Variants in ACOXL observed in about 807,000 individuals in gnomAD.
ACOXL encodes acyl-coenzyme A oxidase-like protein.
A neutral mutation model predicts 71.9 loss-of-function variants in ACOXL; 70 were observed. That is an observed-to-expected ratio of 0.97 (90% CI 0.80 to 1.19). ACOXL has a LOEUF of 1.19. ACOXL is among the 50% of genes most tolerant of loss of function. The pLI, the probability that ACOXL is intolerant of heterozygous loss-of-function variation, is 0.00. For missense variants in ACOXL, 703 were observed against 736.3 expected (o/e 0.95, Z 0.52); for synonymous variants, 253 against 281.6 (o/e 0.90, Z 1.02).
At chr2:110,914,229 A>AT (rs202158751) in intron 11 of ACOXL, among the ~76,000 whole-genome samples, 3 of 151,920 alleles carry the variant, frequency 2.0e-5, no homozygotes, top group Admixed American at 6.6e-5. Context: ...TCTTCTAAGT[A>AT]TTTTTTTTCC....
In ACOXL at chr2:111,117,662, T is replaced by G; in HGVS notation, c.1589T>G (p.Ile530Ser). 2 of 1,551,762 alleles carry G rather than the reference T, an allele frequency of 1.3e-6. No homozygotes were observed. The highest frequency in any genetic ancestry group is 1.7e-6 in the Non-Finnish European group (2 of 1,147,002). ...GTGAAGGATGATGCCCGGAGGGTGA[T>G]CTCGACCTTTAACATTCCACACACC... ...DSVKDDARRV[I>S]STFNIPHTYL... The change falls in exon 18 of 18, where the codon ATC becomes AGC. Residue 530 changes from isoleucine to serine, a missense_variant. Transcript: ENST00000439055.
chr2:110,736,977 G>A (rs961159582), intron 1 of ACOXL, among the ~76,000 whole-genome samples: 1 of 152,162 alleles, frequency 6.6e-6, no homozygotes, highest in African/African-American at 2.4e-5. Flanking sequence ...CCACTTTGTT[G>A]TGGTTGTTTT....
chr2:110,972,968 G>A (rs1365083254), intron 12 of ACOXL, among the ~76,000 whole-genome samples: 1 of 152,204 alleles, frequency 6.6e-6, no homozygotes, highest in Non-Finnish European at 1.5e-5. Context: ...GTGCTCAATT[G>A]GTTTAGGCAC....
At chr2:110,929,890 C>T (rs1001308026) in intron 11 of ACOXL, among the ~76,000 whole-genome samples, 6 of 152,246 alleles carry the variant, frequency 3.9e-5, no homozygotes, top group African/African-American at 1.4e-4. Flanking sequence ...GGTTTGGAAA[C>T]CTCTGCCCAG....
chr2:111,021,961 T>C (rs2064781172), intron 14 of ACOXL, among the ~76,000 whole-genome samples: 1 of 151,984 alleles, frequency 6.6e-6, no homozygotes, highest in Non-Finnish European at 1.5e-5. Context: ...AAAGTGCTTA[T>C]GTAAGCCCAG....
chr2:110,924,196 C>T (rs2060185670), intron 11 of ACOXL, among the ~76,000 whole-genome samples: 1 of 152,140 alleles, frequency 6.6e-6, no homozygotes, highest in Non-Finnish European at 1.5e-5. Flanking sequence ...AGCATCTAAG[C>T]CTTCAGTGAG....
chr2:110,769,486 C>CA (rs113011269), intron 2 of ACOXL, among the ~76,000 whole-genome samples: 207 of 140,338 alleles, frequency 1.5e-3, no homozygotes, highest in Admixed American at 2.5e-3. Context: ...CCTGTCTCCA[C>CA]AAAAAAAAAA....
intron 12 of ACOXL, among the ~76,000 whole-genome samples, chr2:110,979,175 TA>T (rs1436556871): frequency 6.6e-6 from 1 of 152,190 alleles, no homozygotes; most frequent in Admixed American, 6.5e-5. Context: ...CTACTGGGGT[TA>T]GCAGTCAGGA....
At chr2:111,071,220 C>A (rs2067325305) in intron 16 of ACOXL, among the ~76,000 whole-genome samples, 1 of 152,144 alleles carries the variant, frequency 6.6e-6, no homozygotes, top group African/African-American at 2.4e-5. Context: ...TCTTGAATAA[C>A]CTCCTCAGGG....
At chr2:110,981,357 G>A (rs1009683100) in intron 12 of ACOXL, among the ~76,000 whole-genome samples, 63 of 152,294 alleles carry the variant, frequency 4.1e-4, no homozygotes, top group African/African-American at 1.5e-3. Context: ...AACTCCATCT[G>A]AAAGCGTGGA....
At chr2:110,857,622 AT>A (rs1573861795) in intron 10 of ACOXL, among the ~76,000 whole-genome samples, 1 of 152,088 alleles carries the variant, frequency 6.6e-6, no homozygotes, top group East Asian at 1.9e-4. Flanking sequence ...AGTTTCTACA[AT>A]TATCAACATT....
At chr2:110,869,159 T>A (rs1360828813) in intron 10 of ACOXL, among the ~76,000 whole-genome samples, 1 of 152,206 alleles carries the variant, frequency 6.6e-6, no homozygotes, top group Non-Finnish European at 1.5e-5. Context: ...ATGGCCGATG[T>A]CACACAGCTA....
intron 10 of ACOXL, among the ~76,000 whole-genome samples, chr2:110,890,943 CCTT>C (rs1241216992): frequency 1.3e-5 from 2 of 151,830 alleles, no homozygotes; most frequent in Non-Finnish European, 2.9e-5. Context: ...TTTATTTAGA[CCTT>C]CTTTAATTTC....
intron 1 of ACOXL, among the ~76,000 whole-genome samples, chr2:110,755,206 G>C (rs1370018477): frequency 3.3e-5 from 5 of 152,124 alleles, no homozygotes; most frequent in African/African-American, 4.8e-5. Flanking sequence ...GCTGTCCCCA[G>C]ATGACCCTCA....
intron 13 of ACOXL, among the ~76,000 whole-genome samples, chr2:110,989,987 C>A (rs2063106527): frequency 6.6e-6 from 1 of 152,046 alleles, no homozygotes; most frequent in Admixed American, 6.6e-5. Flanking sequence ...TTGCAGTGAG[C>A]CAAGATTGCG....
At chr2:111,077,207 A>G (rs1198980887) in intron 16 of ACOXL, among the ~76,000 whole-genome samples, 1 of 152,184 alleles carries the variant, frequency 6.6e-6, no homozygotes, top group East Asian at 1.9e-4. Flanking sequence ...AAATTTAACT[A>G]TATCTCTTTG....
chr2:111,090,299 A>T (rs2150011771), intron 16 of ACOXL, among the ~76,000 whole-genome samples: 1 of 152,274 alleles, frequency 6.6e-6, no homozygotes, highest in Non-Finnish European at 1.5e-5. Context: ...CTCTTCCAAC[A>T]GTGAGATTCA....
chr2:111,005,860 A>G (rs1340147644), intron 14 of ACOXL, among the ~76,000 whole-genome samples: 1 of 152,164 alleles, frequency 6.6e-6, no homozygotes, highest in Admixed American at 6.5e-5. Flanking sequence ...TTGATGATGG[A>G]CCCAGACAGA....
intron 17 of ACOXL, chr2:111,098,980 A>G (rs983647574): frequency 6.6e-6 from 1 of 152,222 alleles, no homozygotes; most frequent in African/African-American, 2.4e-5. Flanking sequence ...ACAAATGAGT[A>G]AAACTAAGAA....
Sources: gnomAD v4.1 joint callset for allele counts (sites outside exome capture counted in the v4.1 genomes callset) on GRCh38, gnomAD v4.1.1 for gene constraint, MANE v1.5 for transcripts, NCBI Gene and HGNC (gene_info 2026-07-23, HGNC 2026-07-21) for gene names.